The following RASSF3 variants were observed in gnomAD, a reference collection of about 807,000 sequenced individuals.
RASSF3 encodes the protein ras association domain-containing protein 3.
In RASSF3, 19 loss-of-function variants were observed where a neutral mutation model predicts 19.9. That is an observed-to-expected ratio of 0.96 (90% confidence interval 0.67 to 1.40). The LOEUF is 1.40. Among genes scored for constraint, RASSF3 ranks in the 40% most tolerant of loss-of-function variants. RASSF3 has a pLI of 0.00. For synonymous variants in RASSF3, 110 were observed against 104.2 expected (o/e 1.06, Z -0.34); for missense variants, 306 against 289.8 (o/e 1.06, Z -0.41).
chr12:64,602,932 C>G (rs899066160), intron 2 of RASSF3, among the ~76,000 whole-genome samples: 6 of 152,016 alleles, frequency 3.9e-5, no homozygotes, highest in African/African-American at 1.4e-4. Flanking sequence ...AACCACATCT[C>G]TACTAAAAAT....
At position 64,640,006 on chromosome 12, in the gene RASSF3, A is replaced by G. The variant is rs139385295; in HGVS notation, c.111+29263A>G. Among the ~76,000 whole-genome samples the G allele has an allele frequency of 6.7e-4, 102 of 152,376 alleles. No individual in the cohort carries two copies. In the East Asian group the frequency reaches 0.017, roughly 25 times the overall value. ...GGTAAACTGCATTTATGCAGATTTA[A>G]TGTAGGTAGATAACTGACCTGTTTA... is the stretch of plus-strand genomic sequence containing the variant. On this transcript the variant is annotated intron_variant, in intron 1 of 4. Coordinates refer to ENST00000542104, the MANE Select transcript of RASSF3 (RefSeq NM_178169.4).
chr12:64,687,129 G>T (rs1324501607), intron 2 of RASSF3, among the ~76,000 whole-genome samples: 1 of 151,768 alleles, frequency 6.6e-6, no homozygotes, highest in Non-Finnish European at 1.5e-5. Context: ...GAGTAGCTGG[G>T]ATTATAGGCA....
upstream of RASSF3, among the ~76,000 whole-genome samples, chr12:64,609,844 A>G (rs978489547): frequency 3.9e-5 from 6 of 152,244 alleles, no homozygotes; most frequent in Non-Finnish European, 5.9e-5. Flanking sequence ...CTTATTTGGA[A>G]GTGAGCCCTC....
intron 1 of RASSF3, among the ~76,000 whole-genome samples, chr12:64,616,839 C>T (rs1870570524): frequency 6.6e-6 from 1 of 152,220 alleles, no homozygotes; most frequent in African/African-American, 2.4e-5. Flanking sequence ...TATTAGCCTT[C>T]TCTTTAATTC....
At position 64,696,992 on chromosome 12, in the gene RASSF3, G is replaced by A. The variant is rs1468032145; in HGVS notation, c.*2080G>A. 6.7e-6 allele frequency: 1 copy of A among 150,024 alleles called. No individual in the cohort carries two copies. The highest frequency in any genetic ancestry group is 1.9e-4 in the East Asian group (1 of 5,142). 9.3% of individuals were successfully genotyped at this position (150,024 alleles called of 1,614,324 possible). A position where few individuals can be genotyped will look rare whatever the true frequency, so the allele number is the denominator to read the frequency against. On this transcript the variant is annotated 3_prime_UTR_variant, in exon 5 of 5. Coordinates refer to ENST00000542104, the MANE Select transcript of RASSF3 (RefSeq NM_178169.4). ...ATTCATCCCAGTAAACTTATATTTT[G>A]TGAAGCATTTGTTTCTCAGATTAAG... is the stretch of plus-strand genomic sequence containing the variant.
intron 1 of RASSF3, among the ~76,000 whole-genome samples, chr12:64,527,747 C>T (rs542680488): frequency 6.6e-6 from 1 of 151,796 alleles, no homozygotes; most frequent in East Asian, 1.9e-4. Context: ...CCAGCCTGGC[C>T]AACATGGTGA....
chr12:64,641,084 C>T (rs968770359), intron 1 of RASSF3, among the ~76,000 whole-genome samples: 19 of 152,006 alleles, frequency 1.2e-4, no homozygotes, highest in African/African-American at 4.1e-4. Flanking sequence ...TGGATCGTTT[C>T]CATGTGACTT....
chr12:64,627,922 A>T (rs1259502046), intron 1 of RASSF3, among the ~76,000 whole-genome samples: 1 of 152,172 alleles, frequency 6.6e-6, no homozygotes, highest in Non-Finnish European at 1.5e-5. Context: ...AGAATTACTG[A>T]TTGGAGGGAA....
intron 1 of RASSF3, among the ~76,000 whole-genome samples, chr12:64,627,331 G>A (rs1028723390): frequency 3.3e-5 from 5 of 152,178 alleles, no homozygotes; most frequent in African/African-American, 1.2e-4. Flanking sequence ...ACAATTGATA[G>A]CTAAGCATCA....
chr12:64,643,920 C>T (rs540783066), intron 1 of RASSF3, among the ~76,000 whole-genome samples: 6 of 151,948 alleles, frequency 3.9e-5, no homozygotes, highest in Non-Finnish European at 5.9e-5. Context: ...GCAATTGAAT[C>T]GAAAATATAC....
downstream of RASSF3, among the ~76,000 whole-genome samples, chr12:64,543,462 C>CCCCGCCTG (rs1868987425): frequency 1.1e-5 from 1 of 90,988 alleles, no homozygotes. Flanking sequence ...GCCCCCCGCT[C>CCCCGCCTG]CCCACCCGCC....
At chr12:64,661,614 G>C (rs1173960837) in intron 1 of RASSF3, among the ~76,000 whole-genome samples, 1 of 151,454 alleles carries the variant, frequency 6.6e-6, no homozygotes, top group African/African-American at 2.4e-5. Context: ...AGGATCATTT[G>C]AACCCAGGTG....
At chr12:64,569,340 G>C (rs1262718757) in intron 2 of RASSF3, among the ~76,000 whole-genome samples, 1 of 152,238 alleles carries the variant, frequency 6.6e-6, no homozygotes, top group Admixed American at 6.5e-5. Flanking sequence ...ACAGCCCTAC[G>C]CTGCAGCCTC....
At chr12:64,566,530 T>C (rs1869434606) in intron 2 of RASSF3, among the ~76,000 whole-genome samples, 1 of 152,082 alleles carries the variant, frequency 6.6e-6, no homozygotes, top group Non-Finnish European at 1.5e-5. Context: ...AGACAGAGCC[T>C]CAGTTCTGCT....
chr12:64,660,528 G>A (rs1453272038), intron 1 of RASSF3, among the ~76,000 whole-genome samples: 2 of 152,134 alleles, frequency 1.3e-5, no homozygotes, highest in African/African-American at 4.8e-5. Flanking sequence ...TGTTTCATAA[G>A]GAAGATTAAT....
At chr12:64,609,894 T>C (rs1870272501), upstream of RASSF3, among the ~76,000 whole-genome samples, 1 of 152,216 alleles carries the variant, frequency 6.6e-6, no homozygotes, top group Non-Finnish European at 1.5e-5. Context: ...GAAGCTCAAA[T>C]GAATGACCAG....
At chr12:64,519,209 G>A (rs969478032) in intron 1 of RASSF3, among the ~76,000 whole-genome samples, 17 of 152,156 alleles carry the variant, frequency 1.1e-4, no homozygotes, top group African/African-American at 4.1e-4. Flanking sequence ...AGACCAGCCT[G>A]GGCTACGTGG....
chr12:64,527,285 G>A (rs1026500350), intron 1 of RASSF3, among the ~76,000 whole-genome samples: 3 of 152,224 alleles, frequency 2.0e-5, no homozygotes, highest in Admixed American at 1.3e-4. Context: ...TGTGTTGGCA[G>A]ATGACTGTAA....
At chr12:64,545,223 G>A (rs1869033703), downstream of RASSF3, among the ~76,000 whole-genome samples, 1 of 152,140 alleles carries the variant, frequency 6.6e-6, no homozygotes, top group Non-Finnish European at 1.5e-5. Flanking sequence ...GGATAATAGA[G>A]GTATTATGAG....
Sources: allele counts gnomAD v4.1 joint callset (sites outside exome capture counted in the v4.1 genomes callset), GRCh38; gene constraint gnomAD v4.1.1; transcripts MANE v1.5; gene names NCBI Gene and HGNC (gene_info 2026-07-23, HGNC 2026-07-21).